YWHAE: variants seen among roughly 807,000 people sequenced by gnomAD.
YWHAE encodes the protein tyrosine 3-monooxygenase/tryptophan 5-monooxygenase activation protein epsilon.
A neutral mutation model predicts 30.1 loss-of-function variants in YWHAE; 4 were observed. The ratio of observed to expected loss-of-function variants is 0.13; its 90% CI spans 0.07 to 0.30. The LOEUF is 0.30. YWHAE is among the 10% of genes least tolerant of loss of function. The pLI, the probability that YWHAE is intolerant of heterozygous loss-of-function variation, is 1.00. For missense variants in YWHAE, 121 were observed against 315.9 expected, an observed-to-expected ratio of 0.38 and a Z score of 4.68; for synonymous variants, 118 against 111.8, an observed-to-expected ratio of 1.06 and a Z score of -0.35.
intron 2 of YWHAE, among the ~76,000 whole-genome samples, chr17:1,363,045 AGAT>A (rs1221898806): frequency 6.6e-6 from 1 of 152,106 alleles, no homozygotes; most frequent in Non-Finnish European, 1.5e-5. Flanking sequence ...CCAATACCTG[AGAT>A]CACACCAAGG....
chr17:1,376,535 T>G (rs1350672344), intron 1 of YWHAE, among the ~76,000 whole-genome samples: 3 of 152,218 alleles, frequency 2.0e-5, no homozygotes, highest in Non-Finnish European at 4.4e-5. Flanking sequence ...AGTCTTTGTA[T>G]GTTGCCCAGG....
chr17:1,385,820 T>C (rs914601450), intron 1 of YWHAE, among the ~76,000 whole-genome samples: 2 of 152,152 alleles, frequency 1.3e-5, no homozygotes, highest in African/African-American at 4.8e-5. Flanking sequence ...AAAAGACTGC[T>C]ATAATCCCAG....
Position 1,364,991 on chromosome 17 carries a change from G to C in YWHAE, c.132C>G (p.Leu44=), listed in dbSNP as rs11266764. The C allele has an allele frequency of 3.7e-6, 6 of 1,613,998 alleles. No individual in the cohort carries two copies. Among genetic ancestry groups the C allele is most frequent in the Non-Finnish European group, 5.1e-6 (6 of 1,180,016 alleles). The change falls in exon 2 of 6, where the codon CTC becomes CTG. Residue 44 remains leucine, a synonymous_variant. Coordinates refer to ENST00000264335, the MANE Select transcript of YWHAE (RefSeq NM_006761.5). ...DVELTVEERN[L]LSVAYKNVIG... ...TCACATTCTTATATGCAACAGATAG[G>C]AGGTTTCTTTCTTCAACTGTCAGCT...
At chr17:1,356,895 C>T (rs1434022157) in intron 4 of YWHAE, among the ~76,000 whole-genome samples, 1 of 152,004 alleles carries the variant, frequency 6.6e-6, no homozygotes, top group East Asian at 1.9e-4. Flanking sequence ...CCCCTTTCCT[C>T]AAACTTTGAA....
At chr17:1,399,723 G>C (rs887843835) in intron 1 of YWHAE, 4 of 508,036 alleles carry the variant, frequency 7.9e-6, no homozygotes, top group Non-Finnish European at 1.4e-5. Flanking sequence ...CTCGTTCGGA[G>C]ACAGCACCCG....
At chr17:1,370,200 C>A (rs1367989914) in intron 1 of YWHAE, among the ~76,000 whole-genome samples, 1 of 142,940 alleles carries the variant, frequency 7.0e-6, no homozygotes, top group Non-Finnish European at 1.5e-5. Flanking sequence ...GATCTCGGCT[C>A]ACTGCAAGCT....
chr17:1,352,026 T>C (rs2150839368), intron 5 of YWHAE: 1 of 152,162 alleles, frequency 6.6e-6, no homozygotes, highest in East Asian at 1.9e-4. Context: ...TCAAGCATCT[T>C]CCCACCTTGG....
intron 4 of YWHAE, among the ~76,000 whole-genome samples, chr17:1,359,365 A>C (rs2072815576): frequency 6.6e-6 from 1 of 152,124 alleles, no homozygotes; most frequent in Non-Finnish European, 1.5e-5. Flanking sequence ...GGTGAAGTTA[A>C]ATACAAGGAC....
chr17:1,356,000 C>G (rs1205841079), intron 4 of YWHAE, among the ~76,000 whole-genome samples: 1 of 152,170 alleles, frequency 6.6e-6, no homozygotes, highest in Non-Finnish European at 1.5e-5. Flanking sequence ...AACCCCGTCT[C>G]TACTAAAAAT....
chr17:1,369,125 G>A (rs888656203), intron 1 of YWHAE, among the ~76,000 whole-genome samples: 4 of 152,128 alleles, frequency 2.6e-5, no homozygotes, highest in African/African-American at 7.2e-5. Context: ...AGACTGTGTG[G>A]TAAAATTATA....
At chr17:1,354,549 A>G (rs2072695390) in intron 4 of YWHAE, among the ~76,000 whole-genome samples, 1 of 152,214 alleles carries the variant, frequency 6.6e-6, no homozygotes, top group Non-Finnish European at 1.5e-5. Context: ...CCTGCTACTG[A>G]TATGCTATAA....
At chr17:1,384,777 C>T (rs1233986541) in intron 1 of YWHAE, among the ~76,000 whole-genome samples, 3 of 152,054 alleles carry the variant, frequency 2.0e-5, no homozygotes, top group Admixed American at 2.0e-4. Context: ...GCTATCTCGG[C>T]TCACTGCAAC....
intron 1 of YWHAE, among the ~76,000 whole-genome samples, chr17:1,388,989 A>T (rs2073349788): frequency 6.6e-6 from 1 of 152,210 alleles, no homozygotes; most frequent in Admixed American, 6.6e-5. Flanking sequence ...TTTTTGAGAC[A>T]GGGTCTCACT....
Position 1,361,094 on chromosome 17 carries a change from G to A in YWHAE, c.576C>T (p.Cys192=), listed in dbSNP as rs937308884. The part of the protein sequence containing the change: ...YEILNSPDRA[C]RLAKAAFDDA... ...TGCTGTTCTTCCCCACAACTTACCT[G>A]CAGGCACGGTCAGGGGAATTAAGAA... is the stretch of plus-strand genomic sequence containing the variant. The change falls in exon 4 of 6, where the codon TGC becomes TGT. Residue 192 remains cysteine, a splice_region_variant and synonymous_variant. Transcript: ENST00000264335. 4.3e-6 allele frequency: 7 copies of A among 1,613,688 alleles called. No individual in the cohort carries two copies. Among genetic ancestry groups the A allele is most frequent in the African/African-American group, 2.7e-5 (2 of 74,880 alleles).
At chr17:1,361,736 T>C (rs562264500) in intron 3 of YWHAE, 166 bp downstream of exon 3, 4 of 538,420 alleles carry the variant, frequency 7.4e-6, no homozygotes, top group Non-Finnish European at 1.3e-5. Flanking sequence ...CAAAAGCTAA[T>C]ACATTTTCAT....
Position 1,365,966 on chromosome 17 carries a change from C to T in YWHAE, c.65-908G>A, listed in dbSNP as rs186142706. On this transcript the variant is annotated intron_variant, in intron 1 of 5. Transcript: ENST00000264335. ...GGCACAGTGGCTCATGCCTGTAAATCCCAGCACTTTGGCAGGCCGAGGTGG... is the reference window on the plus strand; with the variant it reads ...GGCACAGTGGCTCATGCCTGTAAATTCCAGCACTTTGGCAGGCCGAGGTGG... 7.6e-3 allele frequency among the ~76,000 whole-genome samples: 874 copies of T among 115,462 alleles called. 9 individuals are homozygous for T. The highest frequency in any genetic ancestry group is 0.016 in the South Asian group (61 of 3,704). 75.7% of individuals were successfully genotyped at this position (115,462 alleles called of 152,430 possible).
At chr17:1,397,261 T>C (rs1013163489) in intron 1 of YWHAE, among the ~76,000 whole-genome samples, 5 of 152,202 alleles carry the variant, frequency 3.3e-5, no homozygotes, top group Admixed American at 2.6e-4. Flanking sequence ...TGAGAAATGC[T>C]AAGAAATAAT....
At chr17:1,348,728 T>A (rs1194157669) in intron 5 of YWHAE, among the ~76,000 whole-genome samples, 1 of 152,148 alleles carries the variant, frequency 6.6e-6, no homozygotes, top group Non-Finnish European at 1.5e-5. Flanking sequence ...AAAACCAATT[T>A]ATTAAAAAAT....
chr17:1,398,517 G>C (rs1281435034), intron 1 of YWHAE, among the ~76,000 whole-genome samples: 5 of 151,968 alleles, frequency 3.3e-5, no homozygotes, highest in Admixed American at 1.3e-4. Context: ...GACTAAATCC[G>C]CATTTCGAGG....
Sources: allele counts gnomAD v4.1 joint callset (sites outside exome capture counted in the v4.1 genomes callset), GRCh38; gene constraint gnomAD v4.1.1; transcripts MANE v1.5; gene names NCBI Gene and HGNC (gene_info 2026-07-23, HGNC 2026-07-21).